The following CSMD3 variants were observed in gnomAD, a reference collection of about 807,000 sequenced individuals.
The protein encoded by CSMD3 is CUB and Sushi multiple domains 3, also known as CUB and sushi domain-containing protein 3.
In CSMD3, 177 loss-of-function variants were observed where a neutral mutation model predicts 435.2. The observed-to-expected ratio is 0.41, with a 90% CI of 0.36 to 0.46. The LOEUF (loss-of-function observed/expected upper bound fraction) is 0.46, where lower values mean the gene tolerates loss of function less well. Among genes scored for constraint, CSMD3 ranks in the 20% least tolerant of loss-of-function variants. The pLI, the probability that CSMD3 is intolerant of heterozygous loss-of-function variation, is 0.34. For missense variants in CSMD3, 4,265 were observed against 4,504.6 expected (o/e 0.95, Z 1.52); for synonymous variants, 1,656 against 1,520.5 (o/e 1.09, Z -2.07).
intron 3 of CSMD3, among the ~76,000 whole-genome samples, chr8:113,226,637 A>T (rs2093032098): frequency 6.6e-6 from 1 of 151,592 alleles, no homozygotes; most frequent in Admixed American, 6.6e-5. Context: ...CGATGAAGTT[A>T]GTGTTGCTTC....
intron 4 of CSMD3, among the ~76,000 whole-genome samples, chr8:113,102,832 G>C (rs892796469): frequency 6.6e-6 from 1 of 152,076 alleles, no homozygotes; most frequent in Admixed American, 6.6e-5. Flanking sequence ...TCTGACAAAG[G>C]TATGGAATTT....
intron 23 of CSMD3, among the ~76,000 whole-genome samples, chr8:112,576,509 A>G (rs902459049): frequency 6.6e-6 from 1 of 151,854 alleles, no homozygotes; most frequent in Non-Finnish European, 1.5e-5. Context: ...CACACAGCAT[A>G]CATTTTTTTT....
At chr8:113,002,646 T>G (rs551706049) in intron 6 of CSMD3, among the ~76,000 whole-genome samples, 1 of 152,236 alleles carries the variant, frequency 6.6e-6, no homozygotes, top group South Asian at 2.1e-4. Context: ...CTTGCTAGTT[T>G]ATCAGTTTTG....
intron 3 of CSMD3, among the ~76,000 whole-genome samples, chr8:113,222,911 T>G (rs2092986242): frequency 6.6e-6 from 1 of 150,770 alleles, no homozygotes; most frequent in Non-Finnish European, 1.5e-5. Context: ...ATTTTGTTTT[T>G]TGCAAGTTTG....
At chr8:112,802,054 G>A (rs192563852) in intron 12 of CSMD3, among the ~76,000 whole-genome samples, 1 of 151,916 alleles carries the variant, frequency 6.6e-6, no homozygotes, top group African/African-American at 2.4e-5. Context: ...TTATCCTATT[G>A]CCCTGATTTC....
intron 40 of CSMD3, among the ~76,000 whole-genome samples, chr8:112,347,020 C>T (rs909226100): frequency 1.3e-5 from 2 of 151,946 alleles, no homozygotes; most frequent in Admixed American, 1.3e-4. Flanking sequence ...GAGAAGTTCA[C>T]ATATTACACA....
At chr8:112,415,388 G>A (rs1811798008) in intron 32 of CSMD3, among the ~76,000 whole-genome samples, 1 of 152,216 alleles carries the variant, frequency 6.6e-6, no homozygotes, top group Non-Finnish European at 1.5e-5. Flanking sequence ...CAAGAACTGA[G>A]GTTTGGGAAC....
intron 22 of CSMD3, among the ~76,000 whole-genome samples, chr8:112,613,473 A>G (rs1438534063): frequency 2.0e-5 from 3 of 152,190 alleles, no homozygotes; most frequent in Non-Finnish European, 4.4e-5. Flanking sequence ...GTTTCAATTT[A>G]TGTAAATAAC....
chr8:112,880,656 G>A (rs985177010), intron 10 of CSMD3, among the ~76,000 whole-genome samples: 6 of 152,024 alleles, frequency 3.9e-5, no homozygotes, highest in African/African-American at 1.4e-4. Flanking sequence ...TTTTGATGGT[G>A]CTGGGGATGT....
intron 59 of CSMD3, among the ~76,000 whole-genome samples, chr8:112,279,875 T>C (rs1818458866): frequency 6.6e-6 from 1 of 152,176 alleles, no homozygotes; most frequent in Admixed American, 6.6e-5. Context: ...AAGCATAGTT[T>C]GTTTTCACTT....
chr8:113,220,111 A>G (rs757583339), intron 3 of CSMD3, among the ~76,000 whole-genome samples: 3 of 151,476 alleles, frequency 2.0e-5, no homozygotes, highest in Non-Finnish European at 3.0e-5. Context: ...AAAGCTTAAT[A>G]AAATACTCTG....
chr8:112,506,967 A>T (rs1011217420), intron 28 of CSMD3, 138 bp from the exon 29 acceptor site: 8 of 718,808 alleles, frequency 1.1e-5, no homozygotes, highest in Non-Finnish European at 1.9e-5. Flanking sequence ...TGATGCTTGG[A>T]TACAGCATTA....
At chr8:112,649,070 A>G (rs1006774295) in intron 19 of CSMD3, among the ~76,000 whole-genome samples, 2 of 152,218 alleles carry the variant, frequency 1.3e-5, no homozygotes, top group African/African-American at 2.4e-5. Context: ...ACTACTGTCA[A>G]TTCCTCATAC....
intron 28 of CSMD3, among the ~76,000 whole-genome samples, chr8:112,514,004 GTATC>G (rs1303510598): frequency 1.3e-5 from 2 of 151,922 alleles, no homozygotes; most frequent in Admixed American, 6.6e-5. Flanking sequence ...ATATAGTAAA[GTATC>G]TATTATTTAG....
intron 3 of CSMD3, among the ~76,000 whole-genome samples, chr8:113,273,523 G>A (rs2093546497): frequency 6.6e-6 from 1 of 152,038 alleles, no homozygotes; most frequent in Non-Finnish European, 1.5e-5. Flanking sequence ...CCATCCCTTT[G>A]CCAAGCTGTA....
intron 11 of CSMD3, among the ~76,000 whole-genome samples, chr8:112,842,714 T>C (rs569318938): frequency 4.0e-4 from 61 of 151,974 alleles, no homozygotes; most frequent in Non-Finnish European, 7.4e-4. Context: ...TACAACTAGG[T>C]ACTTTTTATA....
intron 16 of CSMD3, 81 bp downstream of exon 16, chr8:112,682,361 G>C: frequency 1.0e-6 from 1 of 970,562 alleles, no homozygotes; most frequent in East Asian, 2.4e-5. Context: ...TGACAGTCCT[G>C]GTAGGATAAT....
At chr8:113,317,907 ATTC>A (rs2093921829) in intron 1 of CSMD3, among the ~76,000 whole-genome samples, 1 of 152,172 alleles carries the variant, frequency 6.6e-6, no homozygotes, top group Non-Finnish European at 1.5e-5. Context: ...CTTCTACTAC[ATTC>A]TTCTTTGAAA....
intron 13 of CSMD3, among the ~76,000 whole-genome samples, chr8:112,698,412 T>C (rs1401933384): frequency 6.6e-6 from 1 of 151,594 alleles, no homozygotes; most frequent in African/African-American, 2.4e-5. Flanking sequence ...CCACTGAGAG[T>C]CCTAAAAGCA....
Sources: allele counts gnomAD v4.1 joint callset (sites outside exome capture counted in the v4.1 genomes callset), GRCh38; gene constraint gnomAD v4.1.1; transcripts MANE v1.5; gene names NCBI Gene and HGNC (gene_info 2026-07-23, HGNC 2026-07-21).